NMNAT3: variants seen among roughly 807,000 people sequenced by gnomAD.
The protein encoded by NMNAT3 is nicotinamide/nicotinic acid mononucleotide adenylyltransferase 3.
A neutral mutation model predicts 24.8 loss-of-function variants in NMNAT3; 21 were observed. The observed-to-expected ratio is 0.85, with a 90% CI of 0.60 to 1.22. The LOEUF (loss-of-function observed/expected upper bound fraction) is 1.22, where lower values mean the gene tolerates loss of function less well. Ranked by LOEUF, NMNAT3 falls within the 50% of genes most tolerant of loss-of-function variation. NMNAT3 has a pLI of 0.00. For synonymous variants in NMNAT3, 136 were observed against 155.2 expected (o/e 0.88, Z 0.92); for missense variants, 387 against 436.6 (o/e 0.89, Z 1.01).
intron 5 of NMNAT3, among the ~76,000 whole-genome samples, chr3:139,577,157 G>A (rs1024807774): frequency 6.6e-5 from 10 of 151,890 alleles, no homozygotes; most frequent in African/African-American, 2.2e-4. Flanking sequence ...AAATGAATGC[G>A]TTCAGTACAA....
At chr3:139,579,159 T>TCTACTACCACTCA in intron 4 of NMNAT3, 104 bp from the exon 5 acceptor site, 2 of 919,310 alleles carry the variant, frequency 2.2e-6, no homozygotes, top group Non-Finnish European at 3.4e-6. Context: ...TCATCCTGAG[T>TCTACTACCACTCA]GGTAGTAGAC....
At chr3:139,619,428 A>G (rs944338328) in intron 3 of NMNAT3, among the ~76,000 whole-genome samples, 3 of 152,172 alleles carry the variant, frequency 2.0e-5, no homozygotes, top group Non-Finnish European at 4.4e-5. Flanking sequence ...TATATAATAT[A>G]AACATATAAT....
intron 1 of NMNAT3, among the ~76,000 whole-genome samples, chr3:139,665,661 C>A (rs2057553634): frequency 6.7e-6 from 1 of 149,658 alleles, no homozygotes; most frequent in African/African-American, 2.5e-5. Context: ...CAGTGCCTAC[C>A]CATAGAAAAC....
chr3:139,590,240 C>T (rs1436425513), intron 3 of NMNAT3, among the ~76,000 whole-genome samples: 1 of 152,188 alleles, frequency 6.6e-6, no homozygotes, highest in Non-Finnish European at 1.5e-5. Flanking sequence ...CAATTACTAA[C>T]TCTAGGAAAA....
chr3:139,578,941 G>T lies in NMNAT3; in HGVS notation c.506C>A (p.Ser169Tyr), dbSNP rs761337953. The change falls in exon 5 of 7, where the codon TCC becomes TAC. Residue 169 changes from serine (S) to tyrosine (Y), a missense_variant. Ser to Tyr is a moderately radical substitution (Grantham distance 144). This residue lies in a region of NMNAT3 where 323 missense variants were observed against 345.2 expected (regional missense o/e 0.94). Transcript: ENST00000643695. ...CCAAGGGTCCACCCGGATCCAGTCGGATGTCTGCAGGGCCAGCCGGGCCAT... is the reference window on the plus strand; with the variant it reads ...CCAAGGGTCCACCCGGATCCAGTCGTATGTCTGCAGGGCCAGCCGGGCCAT... 1 of 1,614,210 alleles carries T rather than the reference G, an allele frequency of 6.2e-7. No individual in the cohort carries two copies. Among genetic ancestry groups the T allele is most frequent in the Non-Finnish European group, 8.5e-7 (1 of 1,180,032 alleles).
rs2108091478 is a variant in NMNAT3, at chr3:139,578,919, A to G, written c.528T>C (p.Pro176=). ...TCCACTGTGCCTGCTCACTCTCCCA[A>G]GGGTCCACCCGGATCCAGTCGGATG... Residue 176 remains proline, a synonymous_variant, in exon 5 of 7, where the codon CCT becomes CCC. Transcript: ENST00000643695. 2 of 1,614,148 alleles carry G rather than the reference A, an allele frequency of 1.2e-6. No individual in the cohort carries two copies. Among genetic ancestry groups the G allele is most frequent in the Non-Finnish European group, 1.7e-6 (2 of 1,180,024 alleles).
chr3:139,618,937 G>A (rs1252908574), intron 3 of NMNAT3, among the ~76,000 whole-genome samples: 1 of 152,120 alleles, frequency 6.6e-6, no homozygotes, highest in East Asian at 1.9e-4. Flanking sequence ...TCCCCATCTT[G>A]TCAGCCTTAT....
At chr3:139,618,402 G>A (rs1457305932) in intron 3 of NMNAT3, among the ~76,000 whole-genome samples, 1 of 152,124 alleles carries the variant, frequency 6.6e-6, no homozygotes, top group Non-Finnish European at 1.5e-5. Context: ...AGGTTATGTT[G>A]TTATTTCAGG....
intron 3 of NMNAT3, among the ~76,000 whole-genome samples, chr3:139,587,853 T>C (rs1023327623): frequency 6.6e-6 from 1 of 152,164 alleles, no homozygotes; most frequent in Non-Finnish European, 1.5e-5. Context: ...GCAATTTACA[T>C]ACATTTAACC....
At chr3:139,638,389 C>T (rs1327680981) in intron 1 of NMNAT3, among the ~76,000 whole-genome samples, 1 of 152,192 alleles carries the variant, frequency 6.6e-6, no homozygotes, top group African/African-American at 2.4e-5. Flanking sequence ...GGCCCCCACT[C>T]CAGTCTAACA....
intron 5 of NMNAT3, chr3:139,575,497 GC>G: frequency 2.7e-6 from 2 of 729,930 alleles, no homozygotes; most frequent in Non-Finnish European, 3.4e-6. Flanking sequence ...TCTTGGAGTT[GC>G]TGAGCTTACT....
At chr3:139,617,455 C>A (rs976536464) in intron 3 of NMNAT3, among the ~76,000 whole-genome samples, 2 of 152,168 alleles carry the variant, frequency 1.3e-5, no homozygotes, top group Non-Finnish European at 2.9e-5. Flanking sequence ...TGAGCCTTAG[C>A]CTCAGCTTCC....
chr3:139,563,579 AG>A (rs1936736140), intron 6 of NMNAT3, among the ~76,000 whole-genome samples: 1 of 152,184 alleles, frequency 6.6e-6, no homozygotes. Flanking sequence ...AGAAGGAACA[AG>A]GGCCCACACC....
chr3:139,647,806 C>T (rs1295351054), intron 1 of NMNAT3, among the ~76,000 whole-genome samples: 1 of 151,386 alleles, frequency 6.6e-6, no homozygotes, highest in African/African-American at 2.4e-5. Flanking sequence ...AACTTTTGGC[C>T]TCCAAAATTG....
At chr3:139,587,742 C>T (rs2053998136) in intron 3 of NMNAT3, among the ~76,000 whole-genome samples, 1 of 152,206 alleles carries the variant, frequency 6.6e-6, no homozygotes, top group Admixed American at 6.5e-5. Context: ...CATCTGAGCT[C>T]ATGTTATACA....
chr3:139,618,744 G>A (rs893564670), intron 3 of NMNAT3, among the ~76,000 whole-genome samples: 1 of 152,202 alleles, frequency 6.6e-6, no homozygotes, highest in Non-Finnish European at 1.5e-5. Context: ...TAAAGGCACT[G>A]TTTAAATTAT....
At chr3:139,603,672 G>A (rs919040237) in intron 3 of NMNAT3, among the ~76,000 whole-genome samples, 4 of 151,582 alleles carry the variant, frequency 2.6e-5, no homozygotes, top group Non-Finnish European at 4.4e-5. Flanking sequence ...TATTACCACC[G>A]CTGCCACTAA....
At chr3:139,626,884 T>C (rs1241622790) in intron 3 of NMNAT3, among the ~76,000 whole-genome samples, 1 of 152,116 alleles carries the variant, frequency 6.6e-6, no homozygotes, top group African/African-American at 2.4e-5. Context: ...AGGCAAACTT[T>C]TTACAAACAA....
intron 2 of NMNAT3, among the ~76,000 whole-genome samples, chr3:139,629,423 C>T (rs187174880): frequency 3.4e-4 from 52 of 152,226 alleles, no homozygotes; most frequent in African/African-American, 1.1e-3. Flanking sequence ...TCTGAATTCA[C>T]GACCCACAGA....
Sources: gnomAD v4.1 joint callset for allele counts (sites outside exome capture counted in the v4.1 genomes callset) on GRCh38, gnomAD v4.1.1 for gene constraint, gnomAD v4.1.1 regional missense constraint, MANE v1.5 for transcripts, NCBI Gene and HGNC (gene_info 2026-07-23, HGNC 2026-07-21) for gene names.